The following CHST6 variants were observed in gnomAD, a reference collection of about 807,000 sequenced individuals.
CHST6 encodes the protein N-acetylglucosamine 6-O-sulfotransferase 5.
For missense variants in CHST6, 698 were observed against 586.2 expected (o/e 1.19, Z -1.97); for synonymous variants, 309 against 276.4 (o/e 1.12, Z -1.17).
chr16:75,481,939 GC>G, intron 1 of CHST6, 48 bp from the exon 2 acceptor site: 1 of 441,546 alleles, frequency 2.3e-6, no homozygotes, highest in South Asian at 1.6e-5. Context: ...GGGGAAGATA[GC>G]CCCAAAAGCG....
At chr16:75,490,736 A>G (rs1342233414) in intron 1 of CHST6, 2 of 152,122 alleles carry the variant, frequency 1.3e-5, no homozygotes, top group Non-Finnish European at 2.9e-5. Flanking sequence ...CATATGATAC[A>G]GCAGATCCAC....
Position 75,495,439 on chromosome 16 carries a change from G to A in CHST6, c.-591C>T, listed in dbSNP as rs1321454559. On this transcript the variant is annotated 5_prime_UTR_variant, in exon 1 of 3. Coordinates refer to ENST00000332272, the MANE Select transcript of CHST6 (RefSeq NM_021615.5). ...CTTTCAGACGTGGCTGCGGTCCCGA[G>A]GTGGCCAGCGGGAGCTAGCGCCGTG... 1 of 152,296 alleles carries A rather than the reference G, an allele frequency of 6.6e-6. No homozygotes were observed. Among genetic ancestry groups the A allele is most frequent in the Non-Finnish European group, 1.5e-5 (1 of 68,086 alleles). The allele number at this position is 152,296 out of a possible 1,614,324, so 9.4% of individuals were successfully genotyped here. A position where few individuals can be genotyped will look rare whatever the true frequency, so the allele number is the denominator to read the frequency against.
chr16:75,477,266 C>A lies in CHST6; in HGVS notation c.*1375G>T, dbSNP rs116020927. 3 of 152,182 alleles carry A rather than the reference C, an allele frequency of 2.0e-5. No homozygotes were observed. The highest frequency in any genetic ancestry group is 1.9e-4 in the East Asian group (1 of 5,202). The allele number at this position is 152,182 out of a possible 1,614,324, so 9.4% of individuals were successfully genotyped here. On this transcript the variant is annotated 3_prime_UTR_variant, in exon 3 of 3. Transcript: ENST00000332272. Reference sequence around the variant, plus strand: ...GGCTAATGTGCCTGTTCTCCCTCCACGTAAAGCAGAAAATGCCAGATCTCC... The same window carrying A: ...GGCTAATGTGCCTGTTCTCCCTCCAAGTAAAGCAGAAAATGCCAGATCTCC...
chr16:75,473,305 A>C lies in CHST6; in HGVS notation c.*5336T>G, dbSNP rs1171044290. The C allele has an allele frequency of 1.3e-5, 2 of 152,284 alleles. No individual in the cohort carries two copies. Among genetic ancestry groups the C allele is most frequent in the Non-Finnish European group, 2.9e-5 (2 of 68,198 alleles). The allele number at this position is 152,284 out of a possible 1,614,324, so 9.4% of individuals were successfully genotyped here. A position where few individuals can be genotyped will look rare whatever the true frequency, so the allele number is the denominator to read the frequency against. ...CCCTTTGGCCAGTAGAAGGTAGCCG[A>C]AGTGGCTGCGTGCGGATCAGCTGGA... On this transcript the variant is annotated 3_prime_UTR_variant, in exon 3 of 3. Transcript: ENST00000332272.
rs1283626888 is a variant in CHST6 at position 75,475,310 on chromosome 16, A to G, written c.*3331T>C. 1 of 152,268 alleles carries G rather than the reference A, an allele frequency of 6.6e-6. No homozygotes were observed. Among genetic ancestry groups the G allele is most frequent in the Non-Finnish European group, 1.5e-5 (1 of 68,070 alleles). 9.4% of individuals were successfully genotyped at this position (152,268 alleles called of 1,614,324 possible). A position where few individuals can be genotyped will look rare whatever the true frequency, so the allele number is the denominator to read the frequency against. On this transcript the variant is annotated 3_prime_UTR_variant, in exon 3 of 3. Coordinates refer to ENST00000332272, the MANE Select transcript of CHST6 (RefSeq NM_021615.5). ...TTCAAACTGGCTCACAGGAAGTTGC[A>G]CTACACTTGTCTACAGGACAAAGCA...
intron 1 of CHST6, among the ~76,000 whole-genome samples, chr16:75,494,252 ACT>A (rs1567417584): frequency 6.6e-6 from 1 of 151,814 alleles, no homozygotes; most frequent in Non-Finnish European, 1.5e-5. Context: ...ACTCCAGTTG[ACT>A]CTGTTTGTAG....
rs376286245 is a variant in CHST6, at chr16:75,475,045, C to G, written c.*3596G>C. The G allele has an allele frequency of 1.7e-4, 33 of 189,252 alleles. No individual in the cohort carries two copies. In the East Asian group the frequency reaches 2.1e-3, roughly 12 times the overall value. 11.7% of individuals were successfully genotyped at this position (189,252 alleles called of 1,614,324 possible). On this transcript the variant is annotated 3_prime_UTR_variant, in exon 3 of 3. Coordinates refer to ENST00000332272, the MANE Select transcript of CHST6 (RefSeq NM_021615.5). Reference sequence around the variant, plus strand: ...TCCTGACCTCAAGTAATCCGCACACCTCAACCTCCCAAAATGCTGGGATTA... The same window carrying G: ...TCCTGACCTCAAGTAATCCGCACACGTCAACCTCCCAAAATGCTGGGATTA...
chr16:75,490,346 C>T lies in CHST6; in HGVS notation c.-92+4594G>A, dbSNP rs1356132814. Among the ~76,000 whole-genome samples, 6 of 151,682 alleles carry T rather than the reference C, an allele frequency of 4.0e-5. No homozygotes were observed. The South Asian group carries it at 1.3e-3, about 32-fold the overall frequency. ...ATACAAAATTAGCCAGGCATGGTGGCGCATGCCTGTAAACCCAGCTACTCG... is the reference window on the plus strand; with the variant it reads ...ATACAAAATTAGCCAGGCATGGTGGTGCATGCCTGTAAACCCAGCTACTCG... On this transcript the variant is annotated intron_variant, in intron 1 of 2. Coordinates refer to ENST00000332272, the MANE Select transcript of CHST6 (RefSeq NM_021615.5).
In CHST6 at chr16:75,479,271, C is replaced by T. The variant is rs1298173365; in HGVS notation, c.558G>A (p.Pro186=). The T allele has an allele frequency of 3.7e-6, 6 of 1,612,884 alleles. No homozygotes were observed. The highest frequency in any genetic ancestry group is 2.2e-5 in the South Asian group (2 of 91,086). ...VRFFNLQVLY[P]LLSDPALNLR... ...GGTTGAGCGCGGGGTCGCTGAGCAG[C>T]GGGTAGAGCACCTGCAGGTTGAAGA... Residue 186 remains proline (P), a synonymous_variant, in exon 3 of 3, where the codon CCG becomes CCA. Transcript: ENST00000332272.
At chr16:75,482,083 C>A (rs993743227) in intron 1 of CHST6, among the ~76,000 whole-genome samples, 192 bp from the exon 2 acceptor site, 2 of 152,134 alleles carry the variant, frequency 1.3e-5, no homozygotes, top group Non-Finnish European at 2.9e-5. Context: ...TACACACATG[C>A]CCCCATTACT....
intron 1 of CHST6, among the ~76,000 whole-genome samples, chr16:75,488,465 G>T (rs1295884114): frequency 6.8e-6 from 1 of 146,040 alleles, no homozygotes; most frequent in Non-Finnish European, 1.5e-5. Context: ...GCAAAGCCCC[G>T]TCACAAGGAG....
intron 1 of CHST6, among the ~76,000 whole-genome samples, chr16:75,485,662 A>G (rs778828923): frequency 2.0e-5 from 3 of 152,206 alleles, no homozygotes; most frequent in Non-Finnish European, 2.9e-5. Context: ...GTAGAACAAA[A>G]AACATAAATG....
intron 1 of CHST6, among the ~76,000 whole-genome samples, chr16:75,486,442 C>G (rs574366446): frequency 6.6e-6 from 1 of 152,318 alleles, no homozygotes; most frequent in East Asian, 1.9e-4. Context: ...TCAGATGGGG[C>G]TGATCCACCA....
At position 75,478,326 on chromosome 16, in the gene CHST6, G is replaced by C; in HGVS notation, c.*315C>G. ...GCTGCAGGATGTGTCACCAGAAGGA[G>C]AGAGTTAAAGGGGAAGAAAGCCCTT... is the stretch of plus-strand genomic sequence containing the variant. On this transcript the variant is annotated 3_prime_UTR_variant, in exon 3 of 3. Coordinates refer to ENST00000332272, the MANE Select transcript of CHST6 (RefSeq NM_021615.5). 2.3e-6 allele frequency: 1 copy of C among 426,630 alleles called. No homozygotes were observed. Among genetic ancestry groups the C allele is most frequent in the Non-Finnish European group, 4.4e-6 (1 of 228,798 alleles). The allele number at this position is 426,630 out of a possible 1,614,324, so 26.4% of individuals were successfully genotyped here.
intron 1 of CHST6, among the ~76,000 whole-genome samples, chr16:75,491,186 AAAAAATATATAT>A (rs2080250886): frequency 1.4e-5 from 1 of 70,792 alleles, no homozygotes; most frequent in African/African-American, 5.8e-5. Flanking sequence ...AAAAAAAAAA[AAAAAATATATAT>A]ATATATATAT....
At chr16:75,490,098 G>A (rs1043449754) in intron 1 of CHST6, among the ~76,000 whole-genome samples, 2 of 150,244 alleles carry the variant, frequency 1.3e-5, no homozygotes, top group South Asian at 2.1e-4. Flanking sequence ...GCTTGAACCC[G>A]GGAGGCAGAG....
At position 75,485,006 on chromosome 16, in the gene CHST6, C is replaced by A. The variant is rs907518142; in HGVS notation, c.-91-3115G>T. 2.6e-5 allele frequency among the ~76,000 whole-genome samples: 4 copies of A among 152,202 alleles called. No individual in the cohort carries two copies. The South Asian group carries it at 6.2e-4, about 24-fold the overall frequency. On this transcript the variant is annotated intron_variant, in intron 1 of 2. Transcript: ENST00000332272. ...GGCAGAAGAAAGTGACGTTTCCTAT[C>A]TCTCATGCCCTCTCCAGCCTTCCAA...
At chr16:75,482,437 C>G (rs1002263231) in intron 1 of CHST6, among the ~76,000 whole-genome samples, 4 of 152,228 alleles carry the variant, frequency 2.6e-5, no homozygotes, top group East Asian at 3.9e-4. Flanking sequence ...ACTAGGGAGG[C>G]TGAGGCAGGA....
intron 1 of CHST6, among the ~76,000 whole-genome samples, chr16:75,491,070 G>A (rs903819969): frequency 2.7e-5 from 4 of 148,998 alleles, no homozygotes; most frequent in Admixed American, 2.0e-4. Flanking sequence ...TGGATTAAAT[G>A]GGTGGATCAC....
Sources: gnomAD v4.1 joint callset for allele counts (sites outside exome capture counted in the v4.1 genomes callset) on GRCh38, gnomAD v4.1.1 for gene constraint, MANE v1.5 for transcripts, NCBI Gene and HGNC (gene_info 2026-07-23, HGNC 2026-07-21) for gene names.